The following ADAM12 variants were observed in gnomAD, a reference collection of about 807,000 sequenced individuals.
ADAM12 encodes the protein ADAM metallopeptidase domain 12.
ADAM12 carries 70 observed loss-of-function variants against 106.4 expected under a neutral mutation model. That is an observed-to-expected ratio of 0.66 (90% confidence interval 0.54 to 0.80). The LOEUF is 0.80. ADAM12 is among the 30% of genes least tolerant of loss of function. The pLI, the probability that ADAM12 is intolerant of heterozygous loss-of-function variation, is 0.00. For missense variants in ADAM12, 1,010 were observed against 1,171.9 expected (o/e 0.86, Z 2.02); for synonymous variants, 420 against 433.5 (o/e 0.97, Z 0.39).
rs553152642 is a variant in ADAM12, at chr10:126,168,779, C to T, written c.261-13474G>A. 6.6e-5 allele frequency among the ~76,000 whole-genome samples: 10 copies of T among 151,484 alleles called. No homozygotes were observed. In the East Asian group the frequency reaches 1.2e-3, roughly 18 times the overall value. ...TCTAATTCCTTAGCGCACGGCCAGG[C>T]GCGGTGGCTCACACGGGAATCCTAG... On this transcript the variant is annotated intron_variant, in intron 3 of 22. Coordinates refer to ENST00000448723, the MANE Select transcript of ADAM12 (RefSeq NM_001288973.2).
intron 1 of ADAM12, among the ~76,000 whole-genome samples, chr10:126,342,047 G>A (rs577477682): frequency 1.1e-3 from 164 of 152,310 alleles, no homozygotes; most frequent in African/African-American, 3.7e-3. Context: ...ACAAGAAGGG[G>A]CACATCCTAT....
intron 2 of ADAM12, among the ~76,000 whole-genome samples, chr10:126,329,221 G>A (rs1464342675): frequency 2.0e-5 from 3 of 151,820 alleles, no homozygotes; most frequent in Non-Finnish European, 4.4e-5. Flanking sequence ...ATTTAACCAG[G>A]CATTCTGTAC....
intron 4 of ADAM12, among the ~76,000 whole-genome samples, chr10:126,142,767 G>C (rs943757865): frequency 6.6e-6 from 1 of 152,218 alleles, no homozygotes; most frequent in Non-Finnish European, 1.5e-5. Context: ...AGAAGGTGAA[G>C]TCATTTCCAA....
chr10:126,388,404 A>G lies in ADAM12; in HGVS notation c.-259T>C. On this transcript the variant is annotated 5_prime_UTR_variant, in exon 1 of 23. Transcript: ENST00000448723. The surrounding 1 kb of genome is among the most constrained non-coding windows in gnomAD (Gnocchi z 4.4). ...GCACAAGCCAGCCTTGACCGTTGCA[A>G]TAAATGAGCAAACTGTCCGAGTTGG... 3.0e-6 allele frequency: 1 copy of G among 335,914 alleles called. No individual in the cohort carries two copies. Among genetic ancestry groups the G allele is most frequent in the Non-Finnish European group, 5.1e-6 (1 of 195,650 alleles). 20.8% of individuals were successfully genotyped at this position (335,914 alleles called of 1,614,324 possible).
At chr10:126,224,649 C>T (rs1958158058) in intron 3 of ADAM12, among the ~76,000 whole-genome samples, 1 of 152,238 alleles carries the variant, frequency 6.6e-6, no homozygotes. Flanking sequence ...TAGCCCGTGG[C>T]TTCACCTGAA....
chr10:126,378,208 T>C (rs932077754), intron 1 of ADAM12, among the ~76,000 whole-genome samples: 2 of 152,172 alleles, frequency 1.3e-5, no homozygotes, highest in Non-Finnish European at 2.9e-5. Flanking sequence ...GGCACATAAA[T>C]TGGTACAACC....
chr10:126,381,880 T>G (rs1213050962), intron 1 of ADAM12, among the ~76,000 whole-genome samples: 3 of 150,482 alleles, frequency 2.0e-5, no homozygotes, highest in Admixed American at 6.6e-5. Context: ...GAGGCTGAGG[T>G]AGGAGGATCA....
At chr10:126,068,875 A>G (rs772287926) in intron 12 of ADAM12, among the ~76,000 whole-genome samples, 6 of 152,218 alleles carry the variant, frequency 3.9e-5, no homozygotes, top group Non-Finnish European at 7.3e-5. Flanking sequence ...GGTAGCAGAC[A>G]CAGATTCTTA....
intron 3 of ADAM12, among the ~76,000 whole-genome samples, chr10:126,225,711 T>C (rs546407834): frequency 2.0e-5 from 3 of 152,310 alleles, no homozygotes; most frequent in Admixed American, 6.5e-5. Flanking sequence ...GCACAAACCA[T>C]GTTCAGCTTT....
chr10:126,125,385 C>T (rs756865739), intron 5 of ADAM12, among the ~76,000 whole-genome samples: 1 of 151,756 alleles, frequency 6.6e-6, no homozygotes, highest in African/African-American at 2.4e-5. Flanking sequence ...GCTGGGATTA[C>T]AGGCATGTGC....
chr10:126,152,680 G>C (rs982260131), intron 4 of ADAM12, among the ~76,000 whole-genome samples: 1 of 151,656 alleles, frequency 6.6e-6, no homozygotes, highest in East Asian at 1.9e-4. Flanking sequence ...TAAAAATGAT[G>C]TAGCTGGATT....
intron 2 of ADAM12, among the ~76,000 whole-genome samples, chr10:126,309,091 G>A (rs1960970708): frequency 6.6e-6 from 1 of 152,102 alleles, no homozygotes; most frequent in African/African-American, 2.4e-5. Context: ...TTCCCCCTAT[G>A]CCAAGAGTGG....
At chr10:126,113,653 C>T (rs554273516) in intron 6 of ADAM12, among the ~76,000 whole-genome samples, 331 of 38,006 alleles carry the variant, frequency 8.7e-3, no homozygotes, top group Admixed American at 0.016. Context: ...AGTGAGACTC[C>T]GTCTCAAAAA....
chr10:126,035,950 A>G (rs1954051931), intron 21 of ADAM12, among the ~76,000 whole-genome samples, 196 bp downstream of exon 21: 1 of 141,362 alleles, frequency 7.1e-6, no homozygotes, highest in African/African-American at 2.5e-5. Context: ...AAAATATATG[A>G]CACTCTTATT....
At chr10:126,387,169 G>A (rs1856692297) in intron 1 of ADAM12, among the ~76,000 whole-genome samples, 1 of 152,186 alleles carries the variant, frequency 6.6e-6, no homozygotes, top group Non-Finnish European at 1.5e-5. Flanking sequence ...GACCGACAGC[G>A]CCCCGGGCGG....
intron 3 of ADAM12, among the ~76,000 whole-genome samples, chr10:126,199,094 T>C (rs1957650515): frequency 1.3e-5 from 2 of 152,178 alleles, no homozygotes; most frequent in South Asian, 4.1e-4. Context: ...TTAAGTTATG[T>C]AGTCAAGTCC....
chr10:126,330,336 T>A, intron 2 of ADAM12, 76 bp downstream of exon 2: 1 of 1,228,000 alleles, frequency 8.1e-7, no homozygotes, highest in Non-Finnish European at 1.2e-6. Flanking sequence ...AACCCTTGAA[T>A]GAGAGAATAC....
chr10:126,243,017 C>T (rs144901185), intron 3 of ADAM12, among the ~76,000 whole-genome samples: 127 of 152,348 alleles, frequency 8.3e-4, no homozygotes, highest in Non-Finnish European at 1.4e-3. Flanking sequence ...CCCATCCACC[C>T]ATATGGAACT....
At chr10:126,277,262 A>G (rs965778294) in intron 3 of ADAM12, among the ~76,000 whole-genome samples, 51 of 152,312 alleles carry the variant, frequency 3.3e-4, no homozygotes, top group Non-Finnish European at 5.6e-4. Flanking sequence ...TTGTTTTCAT[A>G]GTAAAAACAA....
Sources: gnomAD v4.1 joint callset for allele counts (sites outside exome capture counted in the v4.1 genomes callset) on GRCh38, gnomAD v4.1.1 for gene constraint, Gnocchi (gnomAD v3.1) non-coding constraint, MANE v1.5 for transcripts, NCBI Gene and HGNC (gene_info 2026-07-23, HGNC 2026-07-21) for gene names.